The following MAGI1 variants were observed in gnomAD, a reference collection of about 807,000 sequenced individuals.
MAGI1 encodes membrane-associated guanylate kinase, WW and PDZ domain-containing protein 1.
A neutral mutation model predicts 139.9 loss-of-function variants in MAGI1; 58 were observed. The observed-to-expected ratio is 0.41, with a 90% confidence interval of 0.34 to 0.52. MAGI1 has a LOEUF of 0.52. MAGI1 is among the 20% of genes least tolerant of loss of function. The pLI, the probability that MAGI1 is intolerant of heterozygous loss-of-function variation, is 0.12. For synonymous variants in MAGI1, 812 were observed against 737.9 expected (o/e 1.10, Z -1.63); for missense variants, 1,874 against 1,901.6 (o/e 0.99, Z 0.27).
At chr3:65,723,706 T>G (rs1216803231) in intron 1 of MAGI1, among the ~76,000 whole-genome samples, 1 of 152,198 alleles carries the variant, frequency 6.6e-6, no homozygotes, top group African/African-American at 2.4e-5. Flanking sequence ...ACATTCTCAT[T>G]AACTTCAGAA....
chr3:65,892,493 T>C (rs892683068), intron 1 of MAGI1, among the ~76,000 whole-genome samples: 1 of 152,220 alleles, frequency 6.6e-6, no homozygotes, highest in African/African-American at 2.4e-5. Context: ...GGCATTCTTG[T>C]GTTTATTTTT....
intron 5 of MAGI1, among the ~76,000 whole-genome samples, chr3:65,455,105 A>AC (rs1160951653): frequency 6.6e-6 from 1 of 152,188 alleles, no homozygotes; most frequent in African/African-American, 2.4e-5. Flanking sequence ...TGCAGGATTA[A>AC]GAAAAAAACT....
intron 1 of MAGI1, among the ~76,000 whole-genome samples, chr3:65,667,347 T>C (rs1220811861): frequency 6.6e-6 from 1 of 152,122 alleles, no homozygotes; most frequent in Admixed American, 6.5e-5. Flanking sequence ...GTTTGGTTCA[T>C]CAGAATTCCA....
At chr3:65,810,597 C>A (rs1205996154) in intron 1 of MAGI1, among the ~76,000 whole-genome samples, 1 of 152,194 alleles carries the variant, frequency 6.6e-6, no homozygotes, top group East Asian at 1.9e-4. Flanking sequence ...CTCTTATTTC[C>A]AAGGATCTAA....
chr3:65,859,497 G>C (rs986134796), intron 1 of MAGI1, among the ~76,000 whole-genome samples: 1 of 152,126 alleles, frequency 6.6e-6, no homozygotes, highest in African/African-American at 2.4e-5. Flanking sequence ...AGGAAGCTGA[G>C]GTGGGTGGAT....
chr3:65,487,799 G>A (rs771425333), intron 3 of MAGI1, among the ~76,000 whole-genome samples: 2 of 152,190 alleles, frequency 1.3e-5, no homozygotes, highest in Non-Finnish European at 2.9e-5. Flanking sequence ...TAACTCTTAA[G>A]ACCTGCTTTG....
intron 5 of MAGI1, among the ~76,000 whole-genome samples, chr3:65,462,740 C>G (rs1949895332): frequency 6.6e-6 from 1 of 152,178 alleles, no homozygotes; most frequent in African/African-American, 2.4e-5. Context: ...TTAATTCTTC[C>G]TATCCATGAG....
At chr3:65,493,434 C>G (rs1386386052) in intron 3 of MAGI1, 78 bp downstream of exon 3, 1 of 1,580,218 alleles carries the variant, frequency 6.3e-7, no homozygotes, top group African/African-American at 1.4e-5. Flanking sequence ...TTCCACAAAA[C>G]ATTTTTGCCT....
At chr3:65,359,479 G>T in intron 22 of MAGI1, 1 of 1,076,050 alleles carries the variant, frequency 9.3e-7, no homozygotes, top group Non-Finnish European at 1.1e-6. Flanking sequence ...GCATAGGAGA[G>T]CATTAACAAT....
intron 8 of MAGI1, among the ~76,000 whole-genome samples, chr3:65,440,484 A>T (rs1948206853): frequency 6.6e-6 from 1 of 152,162 alleles, no homozygotes; most frequent in Non-Finnish European, 1.5e-5. Flanking sequence ...GAAGTAGATT[A>T]AGGAATTATT....
chr3:65,439,919 C>CTGCTGCTGT lies in MAGI1; in HGVS notation c.1221_1229dup (p.Gln419_Gln421dup). On this transcript the variant is annotated inframe_insertion, in exon 9 of 23. Transcript: ENST00000402939. ...GCTGCTGCTGCTGCTGCTGCTGTTG[C>CTGCTGCTGT]TGCTGCTGTTGCTGCTGCTGCTGCT... 6.7e-7 allele frequency: 1 copy of CTGCTGCTGT among 1,497,640 alleles called. No homozygotes were observed. 92.8% of individuals were successfully genotyped at this position (1,497,640 alleles called of 1,614,324 possible).
intron 2 of MAGI1, among the ~76,000 whole-genome samples, chr3:65,514,180 C>T (rs1315960518): frequency 2.6e-5 from 4 of 151,434 alleles, no homozygotes; most frequent in Non-Finnish European, 3.0e-5. Context: ...AAGATTTAAA[C>T]GTTAGACTTA....
chr3:65,899,265 A>G (rs369423193), intron 1 of MAGI1, among the ~76,000 whole-genome samples: 102 of 152,360 alleles, frequency 6.7e-4, no homozygotes, highest in African/African-American at 2.4e-3. Context: ...TTCAAAACAG[A>G]AAATACATTC....
In MAGI1 at chr3:65,356,207, T is replaced by C. The variant is rs1034824912; in HGVS notation, c.*171A>G. The C allele has an allele frequency of 4.9e-6, 3 of 608,220 alleles. No individual in the cohort carries two copies. The highest frequency in any genetic ancestry group is 1.9e-5 in the African/African-American group (1 of 52,222). 37.7% of individuals were successfully genotyped at this position (608,220 alleles called of 1,614,324 possible). A position where few individuals can be genotyped will look rare whatever the true frequency, so the allele number is the denominator to read the frequency against. On this transcript the variant is annotated 3_prime_UTR_variant, in exon 23 of 23. Transcript: ENST00000402939. ...AATATGATACATCAGGCACAATACT[T>C]TTCATATATATTTTTTCTTATAAGA...
intron 1 of MAGI1, among the ~76,000 whole-genome samples, chr3:65,738,405 G>A (rs1479570460): frequency 6.6e-6 from 1 of 152,098 alleles, no homozygotes; most frequent in Non-Finnish European, 1.5e-5. Context: ...TGAAACTCCT[G>A]GCCTCAAGTG....
At chr3:65,386,395 G>A (rs959883921) in intron 14 of MAGI1, among the ~76,000 whole-genome samples, 7 of 152,082 alleles carry the variant, frequency 4.6e-5, no homozygotes, top group Non-Finnish European at 8.8e-5. Context: ...AGACATAAAC[G>A]TCGACACACA....
intron 2 of MAGI1, among the ~76,000 whole-genome samples, chr3:65,530,434 T>C (rs1464491817): frequency 6.6e-6 from 1 of 151,766 alleles, no homozygotes; most frequent in Non-Finnish European, 1.5e-5. Context: ...GGCAATGTAA[T>C]GAGACCCCGT....
chr3:65,832,301 C>G (rs2042572611), intron 1 of MAGI1, among the ~76,000 whole-genome samples: 1 of 152,164 alleles, frequency 6.6e-6, no homozygotes, highest in African/African-American at 2.4e-5. Context: ...AAGCCCTTTA[C>G]AAATGATGCC....
chr3:65,929,554 C>G (rs1340010724), intron 1 of MAGI1, among the ~76,000 whole-genome samples: 1 of 151,932 alleles, frequency 6.6e-6, no homozygotes, highest in Non-Finnish European at 1.5e-5. Flanking sequence ...AGGATGGTCT[C>G]GATCTCCTGA....
Sources: gnomAD v4.1 joint callset for allele counts (sites outside exome capture counted in the v4.1 genomes callset) on GRCh38, gnomAD v4.1.1 for gene constraint, MANE v1.5 for transcripts, NCBI Gene and HGNC (gene_info 2026-07-23, HGNC 2026-07-21) for gene names.